Variants in LHPP observed in about 807,000 individuals in gnomAD.
LHPP encodes the protein hLHPP.
In LHPP, 24 loss-of-function variants were observed where a neutral mutation model predicts 30.3. The ratio of observed to expected loss-of-function variants is 0.79; its 90% CI spans 0.57 to 1.11. LHPP has a LOEUF of 1.11. Ranked by LOEUF, LHPP falls within the 50% of genes most tolerant of loss-of-function variation. LHPP has a pLI of 0.00. For synonymous variants in LHPP, 150 were observed against 157.1 expected (o/e 0.95, Z 0.34); for missense variants, 356 against 367.2 (o/e 0.97, Z 0.25).
intron 6 of LHPP, among the ~76,000 whole-genome samples, chr10:124,519,730 C>T (rs1424095786): frequency 6.6e-6 from 1 of 152,190 alleles, no homozygotes; most frequent in Non-Finnish European, 1.5e-5. Flanking sequence ...TCCTTGAGGT[C>T]TCCAACTCCA....
intron 6 of LHPP, among the ~76,000 whole-genome samples, chr10:124,538,334 C>T (rs1955090646): frequency 6.6e-6 from 1 of 152,214 alleles, no homozygotes; most frequent in Non-Finnish European, 1.5e-5. Flanking sequence ...TGCTGCCTTT[C>T]CACTTCCTGG....
At chr10:124,505,923 C>T (rs574472319) in intron 5 of LHPP, among the ~76,000 whole-genome samples, 6 of 152,218 alleles carry the variant, frequency 3.9e-5, no homozygotes, top group South Asian at 2.1e-4. Flanking sequence ...TTGTCATAGG[C>T]GCTTTGCATT....
chr10:124,488,603 C>T, intron 3 of LHPP, 28 bp downstream of exon 3: 2 of 1,590,840 alleles, frequency 1.3e-6, no homozygotes, highest in Non-Finnish European at 1.7e-6. Context: ...AGAGTCATTT[C>T]TCGGTGCTTT....
intron 6 of LHPP, among the ~76,000 whole-genome samples, chr10:124,578,160 G>T (rs949583688): frequency 1.3e-5 from 2 of 152,186 alleles, no homozygotes; most frequent in African/African-American, 4.8e-5. Context: ...CCCACCACAT[G>T]CTGTCACCTC....
intron 2 of LHPP, among the ~76,000 whole-genome samples, chr10:124,484,857 C>T (rs187562811): frequency 2.4e-4 from 36 of 152,248 alleles, no homozygotes; most frequent in Non-Finnish European, 4.4e-4. Flanking sequence ...TGATTTTAGT[C>T]TGAATGCAAG....
chr10:124,539,650 C>T (rs1222160975), intron 6 of LHPP, among the ~76,000 whole-genome samples: 2 of 150,806 alleles, frequency 1.3e-5, no homozygotes, highest in East Asian at 2.0e-4. Context: ...GCAGGAGAAT[C>T]ACTTGAACCT....
At chr10:124,575,462 C>T (rs375514280) in intron 6 of LHPP, among the ~76,000 whole-genome samples, 14 of 152,272 alleles carry the variant, frequency 9.2e-5, no homozygotes, top group East Asian at 3.9e-4. Flanking sequence ...CAGAAGCACC[C>T]GGTTCTCTCT....
At position 124,506,669 on chromosome 10, in the gene LHPP, GT is replaced by G. The variant is rs1401983234; in HGVS notation, c.624+8543del. Among the ~76,000 whole-genome samples, 10 of 129,266 alleles carry G rather than the reference GT, an allele frequency of 7.7e-5. No individual in the cohort carries two copies. In the South Asian group the frequency reaches 9.7e-4, roughly 12 times the overall value. The allele number at this position is 129,266 out of a possible 152,430, so 84.8% of individuals were successfully genotyped here. ...GTGGGGAGGGTAGGGAGGATTTCAGGTTGGGGGGTAGGGAAGATTTCAGGTT... is the reference window on the plus strand; with the variant it reads ...GTGGGGAGGGTAGGGAGGATTTCAGGTGGGGGGTAGGGAAGATTTCAGGTT... On this transcript the variant is annotated intron_variant, in intron 5 of 6. Coordinates refer to ENST00000368842, the MANE Select transcript of LHPP (RefSeq NM_022126.4).
At position 124,596,969 on chromosome 10, in the gene LHPP, C is replaced by T. The variant is rs770119186; in HGVS notation, c.717-16295C>T. Among the ~76,000 whole-genome samples the T allele has an allele frequency of 6.6e-6, 1 of 152,196 alleles. No individual in the cohort carries two copies. The highest frequency in any genetic ancestry group is 1.5e-5 in the Non-Finnish European group (1 of 68,034). ...TCCGTGTGGGTGGGCACCATCTCAT[C>T]GGCTGTCCTTGTGGCTGGAACAAAG... On this transcript the variant is annotated intron_variant, in intron 6 of 6. Transcript: ENST00000368842. The surrounding 1 kb of genome is among the most constrained non-coding windows in gnomAD (Gnocchi z 4.6).
chr10:124,464,528 G>C (rs188498559), intron 1 of LHPP, among the ~76,000 whole-genome samples: 3 of 152,204 alleles, frequency 2.0e-5, no homozygotes, highest in African/African-American at 7.2e-5. Flanking sequence ...AGGACACTCC[G>C]CTGGGTCCTG....
rs1400269305 is a variant in LHPP, at chr10:124,517,833, C to T, written c.716+562C>T. Among the ~76,000 whole-genome samples, 1 of 152,106 alleles carries T rather than the reference C, an allele frequency of 6.6e-6. No homozygotes were observed. The highest frequency in any genetic ancestry group is 1.5e-5 in the Non-Finnish European group (1 of 68,022). On this transcript the variant is annotated intron_variant, in intron 6 of 6. Coordinates refer to ENST00000368842, the MANE Select transcript of LHPP (RefSeq NM_022126.4). This position sits in a 1 kb window ranked among gnomAD's most constrained non-coding sequence, Gnocchi z 4.1. ...GCAGCTGTCAGGGGTTGGGAGCTCCCAGGCATGTGGAGGGCCCTGTGGTAC... is the reference window on the plus strand; with the variant it reads ...GCAGCTGTCAGGGGTTGGGAGCTCCTAGGCATGTGGAGGGCCCTGTGGTAC...
intron 6 of LHPP, among the ~76,000 whole-genome samples, chr10:124,568,633 T>G (rs1589871924): frequency 5.3e-5 from 8 of 152,142 alleles, no homozygotes; most frequent in Middle Eastern, 6.8e-3. Context: ...TGGAATGGGG[T>G]CTGGAATGTT....
In LHPP at chr10:124,462,224, G is replaced by C. The variant is rs111663324; in HGVS notation, c.125+237G>C. On this transcript the variant is annotated intron_variant, in intron 1 of 6. Coordinates refer to ENST00000368842, the MANE Select transcript of LHPP (RefSeq NM_022126.4). The stretch of plus-strand genomic sequence containing the variant: ...GCGCGGTCAGACAGGGCGGCCACCT[G>C]GTACGTGCGCTGCTGAGCGCTTGAC... Among the ~76,000 whole-genome samples, 696 of 152,324 alleles carry C rather than the reference G, an allele frequency of 4.6e-3. 5 individuals are homozygous for C. The highest frequency in any genetic ancestry group is 0.016 in the African/African-American group (671 of 41,584).
intron 3 of LHPP, among the ~76,000 whole-genome samples, chr10:124,492,610 A>C (rs1361706987): frequency 2.0e-5 from 3 of 152,212 alleles, no homozygotes; most frequent in African/African-American, 7.2e-5. Context: ...TGTTAATCTC[A>C]TCCAAAAACA....
At chr10:124,601,571 C>T (rs1407556566) in intron 6 of LHPP, among the ~76,000 whole-genome samples, 1 of 152,232 alleles carries the variant, frequency 6.6e-6, no homozygotes, top group Non-Finnish European at 1.5e-5. Context: ...CAGTGCGTCC[C>T]ACCTCTGTTC....
At chr10:124,581,866 C>A (rs1948746879) in intron 6 of LHPP, among the ~76,000 whole-genome samples, 1 of 150,854 alleles carries the variant, frequency 6.6e-6, no homozygotes, top group Admixed American at 6.6e-5. Flanking sequence ...ACTGCAAGCT[C>A]CGCCTCCTGG....
chr10:124,463,614 G>A (rs1316943860), intron 1 of LHPP, among the ~76,000 whole-genome samples: 4 of 151,890 alleles, frequency 2.6e-5, no homozygotes, highest in Non-Finnish European at 2.9e-5. Context: ...CCACCTGCCT[G>A]GGCCTTCTAA....
At chr10:124,573,534 C>T (rs1422285095) in intron 6 of LHPP, among the ~76,000 whole-genome samples, 2 of 152,242 alleles carry the variant, frequency 1.3e-5, no homozygotes, top group African/African-American at 2.4e-5. Context: ...TGGTCTTGAA[C>T]TCCTGACCTC....
At chr10:124,462,970 C>T (rs1360554472) in intron 1 of LHPP, among the ~76,000 whole-genome samples, 2 of 152,020 alleles carry the variant, frequency 1.3e-5, no homozygotes, top group Non-Finnish European at 1.5e-5. Flanking sequence ...CAGGTTCAAG[C>T]GATTCTCCTG....
Sources: allele counts gnomAD v4.1 joint callset (sites outside exome capture counted in the v4.1 genomes callset), GRCh38; gene constraint gnomAD v4.1.1; non-coding constraint Gnocchi (gnomAD v3.1); transcripts MANE v1.5; gene names NCBI Gene and HGNC (gene_info 2026-07-23, HGNC 2026-07-21).